The following WDR27 variants were observed in gnomAD, a reference collection of about 807,000 sequenced individuals.
WDR27 encodes the protein WD repeat domain 27, also known as WD repeat-containing protein 27.
WDR27 carries 100 observed loss-of-function variants against 114.4 expected under a neutral mutation model. That is an observed-to-expected ratio of 0.87 (90% CI 0.74 to 1.03). The LOEUF is 1.03. Among genes scored for constraint, WDR27 ranks in the 50% least tolerant of loss-of-function variants. WDR27 has a pLI of 0.00. For missense variants in WDR27, 1,129 were observed against 1,092.9 expected, an observed-to-expected ratio of 1.03 and a Z score of -0.47; for synonymous variants, 449 against 423.1, an observed-to-expected ratio of 1.06 and a Z score of -0.75.
At chr6:169,445,809 C>A in the WDR27 span, among the ~76,000 whole-genome samples, 1 of 152,354 alleles carries the variant, frequency 6.6e-6, no homozygotes, top group Non-Finnish European at 1.5e-5. Context: ...AGGCGGTGCT[C>A]CCAGCTCTCG....
chr6:169,639,969 C>T (rs973327251), intron 17 of WDR27, among the ~76,000 whole-genome samples: 4 of 152,090 alleles, frequency 2.6e-5, no homozygotes, highest in South Asian at 2.1e-4. Context: ...GTGAGGAGGG[C>T]GAGAGGGGAC....
At chr6:169,698,431 C>G (rs143479425) in intron 1 of WDR27, among the ~76,000 whole-genome samples, 1 of 152,172 alleles carries the variant, frequency 6.6e-6, no homozygotes, top group East Asian at 1.9e-4. Flanking sequence ...CATACACACA[C>G]GTGTCCACGT....
intron 18 of WDR27, 53 bp from the exon 19 acceptor site, chr6:169,636,557 C>G: frequency 6.7e-7 from 1 of 1,503,724 alleles, no homozygotes; most frequent in South Asian, 1.3e-5. Context: ...AACAAAAACA[C>G]TATTGCTCTA....
intron 13 of WDR27, among the ~76,000 whole-genome samples, chr6:169,653,604 T>G (rs1252401807): frequency 6.6e-6 from 1 of 152,204 alleles, no homozygotes; most frequent in African/African-American, 2.4e-5. Context: ...GGTACTGCTA[T>G]TTAAAAAGTG....
At chr6:169,521,689 CTT>C (rs1794403311) in intron 25 of WDR27, among the ~76,000 whole-genome samples, 1 of 151,806 alleles carries the variant, frequency 6.6e-6, no homozygotes, top group Admixed American at 6.6e-5. Context: ...GTATTTTTTT[CTT>C]TGTTTCTATT....
intron 25 of WDR27, among the ~76,000 whole-genome samples, chr6:169,538,083 G>A (rs1051968979): frequency 6.6e-6 from 1 of 152,074 alleles, no homozygotes; most frequent in Non-Finnish European, 1.5e-5. Context: ...GCTGACAACT[G>A]GGGCAGCTAG....
chr6:169,651,367 GAT>G (rs893770681), intron 14 of WDR27, among the ~76,000 whole-genome samples: 1 of 152,052 alleles, frequency 6.6e-6, no homozygotes, highest in African/African-American at 2.4e-5. Flanking sequence ...GGAGGCGGGG[GAT>G]ATGTCTGCAT....
chr6:169,481,619 C>G (rs1241783895), intron 25 of WDR27, among the ~76,000 whole-genome samples: 1 of 152,180 alleles, frequency 6.6e-6, no homozygotes, highest in African/African-American at 2.4e-5. Context: ...AAGGAACGAA[C>G]AACTCCAGAC....
chr6:169,692,361 T>C (rs1320331621), intron 1 of WDR27, among the ~76,000 whole-genome samples: 2 of 152,064 alleles, frequency 1.3e-5, no homozygotes, highest in African/African-American at 4.8e-5. Context: ...GGGCATGAAC[T>C]TCCTTGAGCA....
intron 25 of WDR27, among the ~76,000 whole-genome samples, chr6:169,460,339 T>C (rs1784761940): frequency 2.6e-5 from 4 of 152,348 alleles, no homozygotes; most frequent in Admixed American, 2.6e-4. Context: ...ATTTTTTGTG[T>C]TACTGAAATT....
chr6:169,490,030 C>A (rs1245333418), intron 25 of WDR27, among the ~76,000 whole-genome samples: 1 of 152,226 alleles, frequency 6.6e-6, no homozygotes, highest in Non-Finnish European at 1.5e-5. Context: ...GGGAAAGGCC[C>A]TCCCACAGGG....
At chr6:169,543,147 T>C (rs556717378) in intron 25 of WDR27, among the ~76,000 whole-genome samples, 1 of 152,110 alleles carries the variant, frequency 6.6e-6, no homozygotes, top group Admixed American at 6.5e-5. Context: ...GTAAAATATA[T>C]AGTATTTTAC....
rs1250417635 is a variant in WDR27 at position 169,595,882 on chromosome 6, C to T, written c.2424+6337G>A. Among the ~76,000 whole-genome samples the T allele has an allele frequency of 2.7e-5, 4 of 150,640 alleles. No homozygotes were observed. The East Asian group carries it at 7.8e-4, about 29-fold the overall frequency. Reference sequence around the variant, plus strand: ...GTTTTATACTCAAAAAAAAATTTAGCTGGATATTAAAATTCTTGACTCAGA... The same window carrying T: ...GTTTTATACTCAAAAAAAAATTTAGTTGGATATTAAAATTCTTGACTCAGA... On this transcript the variant is annotated intron_variant, in intron 23 of 25. Transcript: ENST00000448612.
Position 169,659,308 on chromosome 6 carries a change from G to T in WDR27, c.1198-101C>A. 6.4e-7 allele frequency: 1 copy of T among 1,556,816 alleles called. No homozygotes were observed. Among genetic ancestry groups the T allele is most frequent in the South Asian group, 1.2e-5 (1 of 82,472 alleles). ...TCCTAACAGCTGCTTCATTCTCATA[G>T]CAGCGACATCGCCCTGTCACTCCTA... On this transcript the variant is annotated intron_variant, in intron 11 of 25. Transcript: ENST00000448612. The surrounding 1 kb of genome is among the most constrained non-coding windows in gnomAD (Gnocchi z 4.3).
At chr6:169,533,358 T>C (rs1319666510) in intron 25 of WDR27, among the ~76,000 whole-genome samples, 3 of 152,118 alleles carry the variant, frequency 2.0e-5, no homozygotes, top group African/African-American at 7.2e-5. Flanking sequence ...GAAATGAGTC[T>C]TATATCCTAT....
chr6:169,664,687 T>C, intron 7 of WDR27: 1 of 1,010,782 alleles, frequency 9.9e-7, no homozygotes, highest in East Asian at 1.0e-4. Context: ...AAAAAAAAAA[T>C]CTAAGTTTTC....
chr6:169,527,373 A>G (rs1795074638), intron 25 of WDR27, among the ~76,000 whole-genome samples: 1 of 151,300 alleles, frequency 6.6e-6, no homozygotes, highest in South Asian at 2.1e-4. Flanking sequence ...AAAAGAGGTC[A>G]GACACAAAAG....
chr6:169,616,922 T>C (rs968741598), intron 21 of WDR27, among the ~76,000 whole-genome samples: 4 of 151,940 alleles, frequency 2.6e-5, no homozygotes, highest in Non-Finnish European at 5.9e-5. Context: ...CATGAGAAAA[T>C]ATTTAGTGCT....
At chr6:169,625,548 G>C (rs1202461746) in intron 21 of WDR27, among the ~76,000 whole-genome samples, 1 of 152,210 alleles carries the variant, frequency 6.6e-6, no homozygotes, top group Non-Finnish European at 1.5e-5. Context: ...TGAGAGCCCT[G>C]GGCTGAAGTG....
Sources: allele counts gnomAD v4.1 joint callset (sites outside exome capture counted in the v4.1 genomes callset), GRCh38; gene constraint gnomAD v4.1.1; non-coding constraint Gnocchi (gnomAD v3.1); transcripts MANE v1.5; gene names NCBI Gene and HGNC (gene_info 2026-07-23, HGNC 2026-07-21).